Variants in MFGE8 observed in about 807,000 individuals in gnomAD.
MFGE8 encodes the protein lactadherin.
Under a neutral mutation model 42.6 loss-of-function variants are expected in MFGE8, and 34 were observed. The observed-to-expected ratio is 0.80, with a 90% CI of 0.61 to 1.06. MFGE8 has a LOEUF of 1.06. Ranked by LOEUF, MFGE8 falls within the 50% of genes least tolerant of loss-of-function variation. MFGE8 has a pLI of 0.00. For missense variants in MFGE8, 510 were observed against 516.9 expected (o/e 0.99, Z 0.13); for synonymous variants, 230 against 214.8 (o/e 1.07, Z -0.62).
rs8029053 is a variant in MFGE8, at chr15:88,906,856, C to T, written c.388-78G>A. On this transcript the variant is annotated intron_variant, in intron 3 of 7. Coordinates refer to ENST00000268150, the MANE Select transcript of MFGE8 (RefSeq NM_005928.4). The surrounding 1 kb of genome is among the most constrained non-coding windows in gnomAD (Gnocchi z 4.2). The stretch of plus-strand genomic sequence containing the variant: ...CAAGATCCAAGCAGACCCATCCCTT[C>T]ACTCCCCCACTGGGTGGGGGAACAA... The T allele has an allele frequency of 0.26, 411,666 of 1,566,884 alleles. 55,658 individuals are homozygous for T. The highest frequency in any genetic ancestry group is 0.28 in the Non-Finnish European group (322,490 of 1,141,250).
Position 88,905,393 on chromosome 15 carries a change from A to G in MFGE8, c.685+364T>C. The G allele has an allele frequency of 2.2e-6, 1 of 461,402 alleles. No homozygotes were observed. The highest frequency in any genetic ancestry group is 2.5e-5 in the Admixed American group (1 of 39,720). The allele number at this position is 461,402 out of a possible 1,614,324, so 28.6% of individuals were successfully genotyped here. A position where few individuals can be genotyped will look rare whatever the true frequency, so the allele number is the denominator to read the frequency against. ...CCATTCTAGGCCCTGGGAATACCGAAGCAAACAAAACAGACAGATTCTCTG... is the reference window on the plus strand; with the variant it reads ...CCATTCTAGGCCCTGGGAATACCGAGGCAAACAAAACAGACAGATTCTCTG... On this transcript the variant is annotated intron_variant, in intron 5 of 7. Coordinates refer to ENST00000268150, the MANE Select transcript of MFGE8 (RefSeq NM_005928.4). The surrounding 1 kb of genome is among the most constrained non-coding windows in gnomAD (Gnocchi z 6.6).
chr15:88,908,054 GC>G (rs1319765796), intron 2 of MFGE8, among the ~76,000 whole-genome samples: 2 of 152,080 alleles, frequency 1.3e-5, no homozygotes, highest in African/African-American at 4.8e-5. Context: ...CCACCTGTGG[GC>G]CCTCACCCAG....
intron 6 of MFGE8, among the ~76,000 whole-genome samples, chr15:88,901,122 TTCAC>T (rs754555622): frequency 0.096 from 5,905 of 61,480 alleles, 863 homozygotes; most frequent in South Asian, 0.22. Context: ...CACATACACA[TTCAC>T]ACACACACAT....
intron 6 of MFGE8, 33 bp downstream of exon 6, chr15:88,901,518 C>CCCCCCCCCCCAA: frequency 1.1e-6 from 1 of 887,680 alleles, no homozygotes; most frequent in Non-Finnish European, 1.8e-6. Context: ...TCCCACCCAA[C>CCCCCCCCCCCAA]CCCAGCCCCA....
At chr15:88,912,095 G>A (rs1898989790) in intron 1 of MFGE8, 5 of 1,288,424 alleles carry the variant, frequency 3.9e-6, no homozygotes, top group South Asian at 3.7e-5. Context: ...AAGGGAAAGG[G>A]AAAGGTGTAC....
rs372138631 is a variant in MFGE8 at position 88,911,341 on chromosome 15, C to A, written c.74-1418G>T. 5.9e-5 allele frequency among the ~76,000 whole-genome samples: 9 copies of A among 152,298 alleles called. No individual in the cohort carries two copies. In the East Asian group the frequency reaches 1.7e-3, roughly 29 times the overall value. On this transcript the variant is annotated intron_variant, in intron 1 of 7. Coordinates refer to ENST00000268150, the MANE Select transcript of MFGE8 (RefSeq NM_005928.4). ...ACTCTGGTGGGTCGGCCGGGCCCAACAGGAGTCCTCTAGCCGACATTAGCA... is the reference window on the plus strand; with the variant it reads ...ACTCTGGTGGGTCGGCCGGGCCCAAAAGGAGTCCTCTAGCCGACATTAGCA...
chr15:88,901,321 A>T (rs865994872), intron 6 of MFGE8, among the ~76,000 whole-genome samples: 6 of 149,122 alleles, frequency 4.0e-5, no homozygotes, highest in South Asian at 2.1e-4. Context: ...ACACACATTC[A>T]CACACACACA....
rs745474078 is a variant in MFGE8 at position 88,907,333 on chromosome 15, G to A, written c.249C>T (p.Asn83=). The A allele has an allele frequency of 8.7e-6, 14 of 1,614,200 alleles. No individual in the cohort carries two copies. In the East Asian group the frequency reaches 2.0e-4, roughly 23 times the overall value. Residue 83 remains asparagine (N), a synonymous_variant, in exon 3 of 8, where the codon AAC becomes AAT. Transcript: ENST00000268150. The part of the protein sequence containing the change: ...PLGLENGNIA[N]SQIAASSVRV... ...GCACAGACGAGGCGGCGATCTGTGA[G>A]TTGGCAATGTTCCCATTCTCCAGGC...
Position 88,906,041 on chromosome 15 carries a change from G to T in MFGE8, c.541-140C>A. The T allele has an allele frequency of 1.0e-6, 1 of 969,410 alleles. No individual in the cohort carries two copies. Among genetic ancestry groups the T allele is most frequent in the Non-Finnish European group, 1.6e-6 (1 of 624,954 alleles). 60.1% of individuals were successfully genotyped at this position (969,410 alleles called of 1,614,324 possible). ...AAGAGGACTTGGAAGAGCCAGCAGAGGCTCACACAGCAGCCTCTCCTTTGG... is the reference window on the plus strand; with the variant it reads ...AAGAGGACTTGGAAGAGCCAGCAGATGCTCACACAGCAGCCTCTCCTTTGG... On this transcript the variant is annotated intron_variant, in intron 4 of 7. Coordinates refer to ENST00000268150, the MANE Select transcript of MFGE8 (RefSeq NM_005928.4). This position sits in a 1 kb window ranked among gnomAD's most constrained non-coding sequence, Gnocchi z 4.2.
Position 88,899,924 on chromosome 15 carries a change from C to G in MFGE8, c.871-113G>C, listed in dbSNP as rs182571433. On this transcript the variant is annotated intron_variant, in intron 6 of 7. Coordinates refer to ENST00000268150, the MANE Select transcript of MFGE8 (RefSeq NM_005928.4). This position sits in a 1 kb window ranked among gnomAD's most constrained non-coding sequence, Gnocchi z 6.8. ...TTTTGAAAAAAACTACTTGGGTGAG[C>G]CTCAGTTTCTTTGGCTATAAAATGG... 7.2e-4 allele frequency: 921 copies of G among 1,284,352 alleles called. 6 individuals are homozygous for G. The African/African-American group carries it at 0.011, about 15-fold the overall frequency. 79.6% of individuals were successfully genotyped at this position (1,284,352 alleles called of 1,614,324 possible). A position where few individuals can be genotyped will look rare whatever the true frequency, so the allele number is the denominator to read the frequency against.
chr15:88,913,089 G>T (rs1305694160), intron 1 of MFGE8, 158 bp downstream of exon 1: 1 of 985,280 alleles, frequency 1.0e-6, no homozygotes, highest in East Asian at 1.1e-4. Flanking sequence ...CCCCTGTCCC[G>T]CCAGGGCGCA....
intron 1 of MFGE8, chr15:88,912,535 C>T (rs1162637247): frequency 2.0e-6 from 2 of 985,274 alleles, no homozygotes; most frequent in South Asian, 4.7e-5. Context: ...ACGGGGCATC[C>T]GCAAGTCCAG....
intron 1 of MFGE8, chr15:88,913,027 T>C (rs1899038236): frequency 2.0e-6 from 2 of 985,324 alleles, no homozygotes; most frequent in African/African-American, 3.5e-5. Context: ...TGTCACCCGA[T>C]GTCCCGAGTC....
At chr15:88,901,405 G>A (rs1382595809) in intron 6 of MFGE8, 146 bp downstream of exon 6, 11 of 770,260 alleles carry the variant, frequency 1.4e-5, no homozygotes, top group Non-Finnish European at 2.1e-5. Flanking sequence ...GTGGGAAGAA[G>A]AAAGAAAAGC....
intron 1 of MFGE8, chr15:88,913,028 G>A (rs1009166258): frequency 1.0e-6 from 1 of 985,334 alleles, no homozygotes; most frequent in African/African-American, 1.7e-5. Flanking sequence ...GTCACCCGAT[G>A]TCCCGAGTCC....
At chr15:88,901,281 T>A (rs192596716) in intron 6 of MFGE8, among the ~76,000 whole-genome samples, 14 of 97,836 alleles carry the variant, frequency 1.4e-4, no homozygotes, top group East Asian at 3.0e-4. Flanking sequence ...TCACACACAC[T>A]CACATTCACA....
chr15:88,905,192 T>C lies in MFGE8; in HGVS notation c.685+565A>G, dbSNP rs1280560792. The stretch of plus-strand genomic sequence containing the variant: ...TGTGTTTCTCTGGAGTGCAGACTCT[T>C]AAGAGTTTGGCAGGGAAAGCTCTGG... On this transcript the variant is annotated intron_variant, in intron 5 of 7. Transcript: ENST00000268150. This position sits in a 1 kb window ranked among gnomAD's most constrained non-coding sequence, Gnocchi z 6.6. Among the ~76,000 whole-genome samples the C allele has an allele frequency of 6.6e-6, 1 of 152,160 alleles. No individual in the cohort carries two copies. The highest frequency in any genetic ancestry group is 2.4e-5 in the African/African-American group (1 of 41,440).
At position 88,906,763 on chromosome 15, in the gene MFGE8, T is replaced by C. The variant is rs1053309442; in HGVS notation, c.403A>G (p.Arg135Gly). ...NPWIQVNLLR[R>G]MWVTGVVTQG... ...GTCACCACACCTGTTACCCACATCC[T>C]CCGCAGCAGGTTCACCTGGACACAG... The change falls in exon 4 of 8, where the codon AGG becomes GGG. Residue 135 changes from arginine (R) to glycine (G), a missense_variant. Arg to Gly is a moderately radical substitution (Grantham distance 125). Transcript: ENST00000268150. This position sits in a 1 kb window ranked among gnomAD's most constrained non-coding sequence, Gnocchi z 4.2. 1 of 1,612,958 alleles carries C rather than the reference T, an allele frequency of 6.2e-7. No homozygotes were observed. Among genetic ancestry groups the C allele is most frequent in the South Asian group, 1.1e-5 (1 of 91,014 alleles).
chr15:88,906,325 G>C lies in MFGE8; in HGVS notation c.540+301C>G. 1 of 478,136 alleles carries C rather than the reference G, an allele frequency of 2.1e-6. No individual in the cohort carries two copies. Among genetic ancestry groups the C allele is most frequent in the Non-Finnish European group, 3.8e-6 (1 of 260,248 alleles). The allele number at this position is 478,136 out of a possible 1,614,324, so 29.6% of individuals were successfully genotyped here. A position where few individuals can be genotyped will look rare whatever the true frequency, so the allele number is the denominator to read the frequency against. ...TGAGCAGTGTACAACCTACACAACT[G>C]TACATGTACCCATGAAGGCTCAGAA... is the stretch of plus-strand genomic sequence containing the variant. On this transcript the variant is annotated intron_variant, in intron 4 of 7. Coordinates refer to ENST00000268150, the MANE Select transcript of MFGE8 (RefSeq NM_005928.4). The surrounding 1 kb of genome is among the most constrained non-coding windows in gnomAD (Gnocchi z 4.2).
Sources: allele counts gnomAD v4.1 joint callset (sites outside exome capture counted in the v4.1 genomes callset), GRCh38; gene constraint gnomAD v4.1.1; non-coding constraint Gnocchi (gnomAD v3.1); transcripts MANE v1.5; gene names NCBI Gene and HGNC (gene_info 2026-07-23, HGNC 2026-07-21).